Variants in KCNIP1 observed in about 807,000 individuals in gnomAD.
KCNIP1 encodes A-type potassium channel modulatory protein KCNIP1.
Under a neutral mutation model 33.0 loss-of-function variants are expected in KCNIP1, and 18 were observed. That is an observed-to-expected ratio of 0.55 (90% CI 0.38 to 0.81). The LOEUF (loss-of-function observed/expected upper bound fraction) is 0.81, where lower values mean the gene tolerates loss of function less well. Ranked by LOEUF, KCNIP1 falls within the 30% of genes least tolerant of loss-of-function variation. The probability of loss-of-function intolerance (pLI) is 0.00; values close to 1 mark genes in which losing one functional copy is unlikely to be tolerated. For missense variants in KCNIP1, 238 were observed against 271.6 expected, an observed-to-expected ratio of 0.88 and a Z score of 0.87; for synonymous variants, 93 against 98.3, an observed-to-expected ratio of 0.95 and a Z score of 0.32.
intron 1 of KCNIP1, among the ~76,000 whole-genome samples, chr5:170,517,652 TGGTGGTATGG>T (rs954996292): frequency 1.2e-4 from 15 of 125,810 alleles, no homozygotes; most frequent in Admixed American, 6.6e-4. Flanking sequence ...ATGACAGCGA[TGGTGGTATGG>T]TGGTGGTGGT....
At chr5:170,397,847 A>C (rs898549610) in intron 1 of KCNIP1, among the ~76,000 whole-genome samples, 1 of 152,186 alleles carries the variant, frequency 6.6e-6, no homozygotes, top group Non-Finnish European at 1.5e-5. Flanking sequence ...TACATTTAAG[A>C]GATGGCTTGG....
At chr5:170,496,116 G>C (rs1316569192) in intron 1 of KCNIP1, among the ~76,000 whole-genome samples, 1 of 152,148 alleles carries the variant, frequency 6.6e-6, no homozygotes, top group Non-Finnish European at 1.5e-5. Flanking sequence ...CTTCCTCAGG[G>C]TCTTCAGGCT....
intron 1 of KCNIP1, among the ~76,000 whole-genome samples, chr5:170,656,073 C>T (rs77069076): frequency 0.029 from 4,403 of 152,104 alleles, 218 homozygotes; most frequent in African/African-American, 0.1. Flanking sequence ...ACCTGCCTTC[C>T]GCAAGCAGCG....
At chr5:170,471,606 C>T (rs1357075109) in intron 1 of KCNIP1, among the ~76,000 whole-genome samples, 2 of 152,200 alleles carry the variant, frequency 1.3e-5, no homozygotes, top group Non-Finnish European at 2.9e-5. Flanking sequence ...ACATGCCAGT[C>T]TGCAAGGCCC....
At chr5:170,447,638 C>T (rs534579963) in intron 1 of KCNIP1, among the ~76,000 whole-genome samples, 12 of 152,194 alleles carry the variant, frequency 7.9e-5, no homozygotes, top group East Asian at 1.9e-4. Flanking sequence ...GCAGCCAAGA[C>T]GGGGGTGTCT....
chr5:170,429,259 T>G (rs1201348441), intron 1 of KCNIP1, among the ~76,000 whole-genome samples: 1 of 152,116 alleles, frequency 6.6e-6, no homozygotes, highest in Non-Finnish European at 1.5e-5. Flanking sequence ...GGCATGCCGT[T>G]GTCTCTGCTA....
intron 1 of KCNIP1, among the ~76,000 whole-genome samples, chr5:170,462,298 A>G (rs1450938865): frequency 2.0e-5 from 3 of 151,292 alleles, no homozygotes; most frequent in East Asian, 3.9e-4. Flanking sequence ...ACCAAAAAAA[A>G]TCATCAAAAA....
chr5:170,617,099 G>T (rs1393650874), intron 1 of KCNIP1, among the ~76,000 whole-genome samples: 1 of 149,926 alleles, frequency 6.7e-6, no homozygotes, highest in Non-Finnish European at 1.5e-5. Flanking sequence ...GGTACCTAGT[G>T]AATGTGTAAC....
chr5:170,496,502 G>A lies in KCNIP1; in HGVS notation c.88+142538G>A, dbSNP rs540740950. Among the ~76,000 whole-genome samples the A allele has an allele frequency of 2.0e-5, 3 of 152,300 alleles. No individual in the cohort carries two copies. In the South Asian group the frequency reaches 6.2e-4, roughly 32 times the overall value. On this transcript the variant is annotated intron_variant, in intron 1 of 7. Coordinates refer to the KCNIP1 transcript ENST00000377360. ...ATCTATAAAACAGGAAACAATGAGA[G>A]TCTTTCCTTATGGGGCTATTGAAAT...
chr5:170,516,524 T>A (rs2113287008), intron 1 of KCNIP1, among the ~76,000 whole-genome samples: 1 of 152,326 alleles, frequency 6.6e-6, no homozygotes, highest in South Asian at 2.1e-4. Flanking sequence ...TTAATTAGAA[T>A]TCATGCGGCA....
chr5:170,415,380 G>C (rs1412012820), intron 1 of KCNIP1, among the ~76,000 whole-genome samples: 2 of 152,094 alleles, frequency 1.3e-5, no homozygotes, highest in Admixed American at 1.3e-4. Flanking sequence ...CTTTGCTGTG[G>C]GGGGACTCTC....
chr5:170,482,802 G>A (rs1757004383), intron 1 of KCNIP1, among the ~76,000 whole-genome samples: 1 of 152,148 alleles, frequency 6.6e-6, no homozygotes, highest in African/African-American at 2.4e-5. Flanking sequence ...AACTTCCACA[G>A]CCTTCTTCCA....
At chr5:170,578,079 A>G (rs1757665000) in intron 1 of KCNIP1, among the ~76,000 whole-genome samples, 2 of 152,230 alleles carry the variant, frequency 1.3e-5, no homozygotes, top group Non-Finnish European at 2.9e-5. Flanking sequence ...GTCAACAAAC[A>G]TGTCTTGAGT....
rs11958758 is a variant in KCNIP1, at chr5:170,560,162, G to A, written c.61+55529G>A. Reference sequence around the variant, plus strand: ...TTTCTGGGCAGTGTGGGGCAGGACAGAGCTCATTAAACCAGCCTACCACCT... The same window carrying A: ...TTTCTGGGCAGTGTGGGGCAGGACAAAGCTCATTAAACCAGCCTACCACCT... On this transcript the variant is annotated intron_variant, in intron 1 of 7. Transcript: ENST00000328939. Among the ~76,000 whole-genome samples, 4 of 152,108 alleles carry A rather than the reference G, an allele frequency of 2.6e-5. No individual in the cohort carries two copies. In the South Asian group the frequency reaches 8.3e-4, roughly 32 times the overall value.
chr5:170,728,589 A>G (rs370395573), intron 5 of KCNIP1, among the ~76,000 whole-genome samples: 10 of 152,304 alleles, frequency 6.6e-5, no homozygotes, highest in African/African-American at 2.2e-4. Context: ...TGTGATCACA[A>G]TAAAATTTAA....
At chr5:170,572,071 G>T (rs1288998984) in intron 1 of KCNIP1, among the ~76,000 whole-genome samples, 2 of 152,096 alleles carry the variant, frequency 1.3e-5, no homozygotes, top group African/African-American at 4.8e-5. Flanking sequence ...GGGGGCTGGG[G>T]TGAATGGAGG....
At chr5:170,430,720 A>G (rs762061322) in intron 1 of KCNIP1, among the ~76,000 whole-genome samples, 1 of 152,152 alleles carries the variant, frequency 6.6e-6, no homozygotes, top group African/African-American at 2.4e-5. Flanking sequence ...GCTGGGAAAG[A>G]GTTGTCATGG....
chr5:170,513,624 G>T (rs2113275765), intron 1 of KCNIP1, among the ~76,000 whole-genome samples: 1 of 152,318 alleles, frequency 6.6e-6, no homozygotes, highest in South Asian at 2.1e-4. Context: ...TATCTAAGTT[G>T]CTTCTAAGAA....
At chr5:170,648,327 G>A (rs1156930435) in intron 1 of KCNIP1, among the ~76,000 whole-genome samples, 2 of 152,220 alleles carry the variant, frequency 1.3e-5, no homozygotes, top group Non-Finnish European at 2.9e-5. Context: ...AAAACTGCAT[G>A]TGGATGTTTA....
Sources: gnomAD v4.1 joint callset for allele counts (sites outside exome capture counted in the v4.1 genomes callset) on GRCh38, gnomAD v4.1.1 for gene constraint, MANE v1.5 for transcripts, NCBI Gene and HGNC (gene_info 2026-07-23, HGNC 2026-07-21) for gene names.